Variants in CEP128 observed in about 807,000 individuals in gnomAD.
CEP128 encodes the protein centrosomal protein 128kDa.
In CEP128, 132 loss-of-function variants were observed where a neutral mutation model predicts 156.7. The ratio of observed to expected loss-of-function variants is 0.84; its 90% CI spans 0.73 to 0.97. CEP128 has a LOEUF of 0.97. CEP128 is among the 50% of genes least tolerant of loss of function. CEP128 has a pLI of 0.00. For missense variants in CEP128, 1,252 were observed against 1,281.9 expected, an observed-to-expected ratio of 0.98 and a Z score of 0.36; for synonymous variants, 469 against 448.9, an observed-to-expected ratio of 1.04 and a Z score of -0.57.
At chr14:80,482,414 T>C (rs996822487) in intron 14 of CEP128, among the ~76,000 whole-genome samples, 1 of 152,234 alleles carries the variant, frequency 6.6e-6, no homozygotes, top group African/African-American at 2.4e-5. Context: ...TGCACTTTCT[T>C]AGTTATAATG....
At chr14:80,706,387 A>G (rs937431575) in intron 19 of CEP128, among the ~76,000 whole-genome samples, 1 of 151,910 alleles carries the variant, frequency 6.6e-6, no homozygotes, top group African/African-American at 2.4e-5. Context: ...ATGATTCACT[A>G]ATCTTATTAA....
chr14:80,743,598 A>G (rs1442432409), intron 18 of CEP128, among the ~76,000 whole-genome samples: 1 of 152,190 alleles, frequency 6.6e-6, no homozygotes, highest in Non-Finnish European at 1.5e-5. Flanking sequence ...AATTTAAAAA[A>G]CAAATACATC....
At chr14:80,870,333 A>C (rs920121132) in intron 8 of CEP128, among the ~76,000 whole-genome samples, 9 of 152,098 alleles carry the variant, frequency 5.9e-5, no homozygotes, top group African/African-American at 1.2e-4. Context: ...AGATGTAAAA[A>C]TCCTCTGCAA....
intron 2 of CEP128, chr14:80,955,351 T>TGGAGGGGCGCCCGGGGG (rs1594883413): frequency 1.9e-5 from 6 of 318,760 alleles, no homozygotes; most frequent in African/African-American, 1.5e-4. Flanking sequence ...GCGCCCGGGG[T>TGGAGGGGCGCCCGGGGG]GGGGGGGCGG....
At chr14:80,863,681 A>G (rs1211915982) in intron 8 of CEP128, among the ~76,000 whole-genome samples, 1 of 152,214 alleles carries the variant, frequency 6.6e-6, no homozygotes, top group Non-Finnish European at 1.5e-5. Context: ...GAAGCAATAA[A>G]CACAGCTGTT....
chr14:80,892,812 A>T (rs899143395), intron 8 of CEP128, among the ~76,000 whole-genome samples: 1 of 152,002 alleles, frequency 6.6e-6, no homozygotes, highest in Admixed American at 6.6e-5. Flanking sequence ...AACATAATTA[A>T]TCATCAGGGA....
At chr14:80,630,436 A>C (rs890821402) in intron 19 of CEP128, among the ~76,000 whole-genome samples, 1 of 152,022 alleles carries the variant, frequency 6.6e-6, no homozygotes. Flanking sequence ...CTTAGATGTG[A>C]GGTAAATTCA....
chr14:80,846,113 T>A (rs1886587904), intron 9 of CEP128, among the ~76,000 whole-genome samples: 1 of 152,182 alleles, frequency 6.6e-6, no homozygotes, highest in Admixed American at 6.6e-5. Flanking sequence ...TTTGTTATAA[T>A]TTACAATGAC....
chr14:80,611,821 A>C (rs1230678416), intron 19 of CEP128, among the ~76,000 whole-genome samples: 1 of 152,158 alleles, frequency 6.6e-6, no homozygotes, highest in Non-Finnish European at 1.5e-5. Context: ...GCAGTTTGGG[A>C]GGCCAAGGAG....
chr14:80,606,478 A>G (rs746061997), intron 19 of CEP128, among the ~76,000 whole-genome samples: 11 of 152,074 alleles, frequency 7.2e-5, no homozygotes, highest in Non-Finnish European at 1.2e-4. Flanking sequence ...TTGCCACAAT[A>G]CTTCTGGAAG....
At chr14:80,609,909 A>T (rs760375163) in intron 19 of CEP128, among the ~76,000 whole-genome samples, 1 of 151,726 alleles carries the variant, frequency 6.6e-6, no homozygotes, top group Non-Finnish European at 1.5e-5. Flanking sequence ...AACATTCTTC[A>T]CTCTCCAGTA....
intron 19 of CEP128, among the ~76,000 whole-genome samples, chr14:80,629,651 T>C (rs1230475024): frequency 6.6e-6 from 1 of 152,094 alleles, no homozygotes; most frequent in Non-Finnish European, 1.5e-5. Flanking sequence ...ATAAAAGGTG[T>C]AGTCTCTATA....
intron 19 of CEP128, among the ~76,000 whole-genome samples, chr14:80,639,367 C>A (rs759738434): frequency 2.0e-5 from 3 of 151,976 alleles, no homozygotes; most frequent in Non-Finnish European, 4.4e-5. Flanking sequence ...ACAAGAAACA[C>A]CAATATGTTC....
intron 17 of CEP128, among the ~76,000 whole-genome samples, chr14:80,757,885 T>C (rs1899749079): frequency 6.6e-6 from 1 of 152,222 alleles, no homozygotes; most frequent in South Asian, 2.1e-4. Context: ...TATCCAATTT[T>C]CTCTCATCCA....
At chr14:80,550,807 AAATGT>A (rs1890179703) in intron 21 of CEP128, among the ~76,000 whole-genome samples, 1 of 117,720 alleles carries the variant, frequency 8.5e-6, no homozygotes, top group Non-Finnish European at 1.6e-5. Context: ...ATTAAATGTG[AAATGT>A]AAAAAAAAAA....
intron 2 of CEP128, chr14:80,955,354 G>T (rs866851868): frequency 4.9e-6 from 2 of 411,830 alleles, no homozygotes; most frequent in Non-Finnish European, 4.4e-6. Context: ...CCCGGGGTGG[G>T]GGGGCGGGCT....
intron 19 of CEP128, among the ~76,000 whole-genome samples, chr14:80,641,003 A>G (rs8008043): frequency 0.2 from 30,165 of 152,138 alleles, 3,144 homozygotes; most frequent in East Asian, 0.35. Context: ...CTTCCTAGCT[A>G]CTTTGAAGGG....
chr14:80,834,318 A>C (rs1885962535), intron 12 of CEP128, among the ~76,000 whole-genome samples: 2 of 152,148 alleles, frequency 1.3e-5, no homozygotes, highest in African/African-American at 4.8e-5. Context: ...AAGAAGAAAT[A>C]AGCAGGTAAC....
intron 19 of CEP128, among the ~76,000 whole-genome samples, chr14:80,605,093 T>G (rs1892725821): frequency 6.6e-6 from 1 of 152,098 alleles, no homozygotes; most frequent in Admixed American, 6.5e-5. Context: ...AAGTAGATTT[T>G]CAAAGATGGA....
Sources: gnomAD v4.1 joint callset for allele counts (sites outside exome capture counted in the v4.1 genomes callset) on GRCh38, gnomAD v4.1.1 for gene constraint, MANE v1.5 for transcripts, NCBI Gene and HGNC (gene_info 2026-07-23, HGNC 2026-07-21) for gene names.